The following ESR2 variants were observed in gnomAD, a reference collection of about 807,000 sequenced individuals.
ESR2 encodes estrogen receptor beta.
ESR2 carries 36 observed loss-of-function variants against 49.6 expected under a neutral mutation model. The observed-to-expected ratio is 0.73, with a 90% CI of 0.56 to 0.96. ESR2 has a LOEUF of 0.96. ESR2 is among the 40% of genes least tolerant of loss of function. ESR2 has a pLI of 0.00. For missense variants in ESR2, 714 were observed against 693.0 expected (o/e 1.03, Z -0.34); for synonymous variants, 320 against 266.1 (o/e 1.20, Z -1.97).
chr14:64,310,762 G>A (rs951846651), intron 1 of ESR2, among the ~76,000 whole-genome samples: 17 of 152,064 alleles, frequency 1.1e-4, no homozygotes, highest in African/African-American at 3.9e-4. Context: ...GAGCCACCGC[G>A]CCAGAGAACT....
At chr14:64,233,840 T>G (rs922939547) in intron 8 of ESR2, 1 of 153,878 alleles carries the variant, frequency 6.5e-6, no homozygotes. Context: ...ATAAGGCACA[T>G]CACAGCTTTT....
chr14:64,246,611 C>T (rs1331029168), intron 7 of ESR2, among the ~76,000 whole-genome samples: 1 of 151,562 alleles, frequency 6.6e-6, no homozygotes, highest in Non-Finnish European at 1.5e-5. Context: ...CCTGTAATCC[C>T]AGCTACTTGG....
At chr14:64,284,425 C>G (rs1317410272) in intron 1 of ESR2, among the ~76,000 whole-genome samples, 3 of 152,018 alleles carry the variant, frequency 2.0e-5, no homozygotes, top group Admixed American at 6.6e-5. Flanking sequence ...CTCCCAGGTT[C>G]AAGCAATTAT....
intron 1 of ESR2, chr14:64,303,618 T>A (rs142232928): frequency 6.6e-6 from 1 of 152,184 alleles, no homozygotes; most frequent in South Asian, 2.1e-4. Flanking sequence ...TTCTAAAGAC[T>A]TTAAGTGATC....
chr14:64,325,980 AT>A (rs397961804), intron 1 of ESR2, among the ~76,000 whole-genome samples: 442 of 143,918 alleles, frequency 3.1e-3, no homozygotes, highest in East Asian at 3.6e-3. Context: ...TTATACACAG[AT>A]TTTTTTTTTT....
chr14:64,248,776 T>C (rs1236389632), intron 7 of ESR2, among the ~76,000 whole-genome samples: 4 of 152,186 alleles, frequency 2.6e-5, no homozygotes, highest in Non-Finnish European at 5.9e-5. Flanking sequence ...CACGCCATAA[T>C]GTCAGTTCAG....
At chr14:64,247,242 T>C (rs2075880500) in intron 7 of ESR2, among the ~76,000 whole-genome samples, 1 of 152,242 alleles carries the variant, frequency 6.6e-6, no homozygotes, top group Non-Finnish European at 1.5e-5. Flanking sequence ...TTTTACACTT[T>C]TATTTTTCTC....
At chr14:64,332,191 C>T (rs1022301996) in intron 1 of ESR2, 1 of 152,222 alleles carries the variant, frequency 6.6e-6, no homozygotes, top group African/African-American at 2.4e-5. Flanking sequence ...AATATCTGCA[C>T]AACCAGAAAA....
rs959371405 is a variant in ESR2 at position 64,292,660 on chromosome 14, G to A, written c.-91+1373C>T. On this transcript the variant is annotated intron_variant, in intron 1 of 8. Transcript: ENST00000341099. ...TATCCATATTTATATTCTATAAAACGACTCAAAGCATCACCTAAAATTATC... is the reference window on the plus strand; with the variant it reads ...TATCCATATTTATATTCTATAAAACAACTCAAAGCATCACCTAAAATTATC... Among the ~76,000 whole-genome samples the A allele has an allele frequency of 4.6e-5, 7 of 152,110 alleles. No homozygotes were observed. The East Asian group carries it at 9.6e-4, about 21-fold the overall frequency.
chr14:64,294,466 C>A (rs924551541), upstream of ESR2: 8 of 152,242 alleles, frequency 5.3e-5, no homozygotes, highest in African/African-American at 1.7e-4. Flanking sequence ...GGGAGCCCGA[C>A]GGTCTCAGGA....
rs1442027208 is a variant in ESR2 at position 64,229,502 on chromosome 14, TTG to T, written c.*3633_*3634del. Among the ~76,000 whole-genome samples the T allele has an allele frequency of 6.6e-6, 1 of 152,190 alleles. No individual in the cohort carries two copies. ...TGTGTCTGTAGGGGTGTTCTGGACA[TTG>T]TGGTGGGAGGTAAGGGGGTATCACA... On this transcript the variant is annotated 3_prime_UTR_variant, in exon 9 of 9. Transcript: ENST00000341099.
chr14:64,284,024 T>G (rs1381953049), intron 1 of ESR2, among the ~76,000 whole-genome samples: 1 of 151,664 alleles, frequency 6.6e-6, no homozygotes, highest in Non-Finnish European at 1.5e-5. Context: ...CCTCCCAGGT[T>G]CTAGTGATTC....
intron 3 of ESR2, among the ~76,000 whole-genome samples, chr14:64,271,138 C>T (rs1364865277): frequency 2.6e-5 from 4 of 151,784 alleles, no homozygotes; most frequent in Non-Finnish European, 5.9e-5. Flanking sequence ...CAGGGTCTCC[C>T]TCTGTTGCCC....
At chr14:64,250,850 C>T (rs542289851) in intron 6 of ESR2, among the ~76,000 whole-genome samples, 8 of 152,280 alleles carry the variant, frequency 5.3e-5, no homozygotes, top group African/African-American at 1.2e-4. Context: ...TCCTGCATTC[C>T]GAAGCACTCA....
chr14:64,298,174 A>G (rs1422268367), upstream of ESR2, among the ~76,000 whole-genome samples: 1 of 152,244 alleles, frequency 6.6e-6, no homozygotes, highest in Non-Finnish European at 1.5e-5. Context: ...AGAAATAAAA[A>G]CAAACCTAAT....
At chr14:64,271,508 TAG>T (rs930397917) in intron 3 of ESR2, among the ~76,000 whole-genome samples, 4 of 152,184 alleles carry the variant, frequency 2.6e-5, no homozygotes, top group African/African-American at 4.8e-5. Flanking sequence ...TGTATTTTAG[TAG>T]AGACAGGGTT....
At chr14:64,242,918 C>T (rs921764385) in intron 7 of ESR2, among the ~76,000 whole-genome samples, 11 of 152,202 alleles carry the variant, frequency 7.2e-5, no homozygotes, top group Non-Finnish European at 1.5e-4. Flanking sequence ...GTGAAAGGCA[C>T]ATCTCATGTG....
intron 4 of ESR2, among the ~76,000 whole-genome samples, chr14:64,266,261 G>A (rs2076325412): frequency 6.6e-6 from 1 of 152,112 alleles, no homozygotes; most frequent in Non-Finnish European, 1.5e-5. Flanking sequence ...GTCAGATATT[G>A]TGCTAAGTCT....
chr14:64,321,998 G>A (rs773238191), intron 1 of ESR2, among the ~76,000 whole-genome samples: 31 of 151,960 alleles, frequency 2.0e-4, no homozygotes, highest in African/African-American at 7.0e-4. Flanking sequence ...TCAGCATCAC[G>A]CATTATGCCC....
Sources: allele counts gnomAD v4.1 joint callset (sites outside exome capture counted in the v4.1 genomes callset), GRCh38; gene constraint gnomAD v4.1.1; transcripts MANE v1.5; gene names NCBI Gene and HGNC (gene_info 2026-07-23, HGNC 2026-07-21).